Variants in NOC3L observed in about 807,000 individuals in gnomAD.
NOC3L encodes NOC3 like DNA replication regulator.
A neutral mutation model predicts 102.5 loss-of-function variants in NOC3L; 85 were observed. The ratio of observed to expected loss-of-function variants is 0.83; its 90% CI spans 0.70 to 0.99. The LOEUF is 0.99. Ranked by LOEUF, NOC3L falls within the 50% of genes least tolerant of loss-of-function variation. The pLI is 0.00. For missense variants in NOC3L, 878 were observed against 914.9 expected (o/e 0.96, Z 0.52); for synonymous variants, 303 against 309.4 (o/e 0.98, Z 0.22).
chr10:94,324,698 G>T, the NOC3L span: 1 of 991,322 alleles, frequency 1.0e-6, no homozygotes. Flanking sequence ...GGAGAAAATT[G>T]TTTGGCTTTG....
intron 11 of NOC3L, among the ~76,000 whole-genome samples, chr10:94,345,832 G>C (rs1476680650): frequency 3.3e-5 from 5 of 152,088 alleles, no homozygotes; most frequent in Non-Finnish European, 7.4e-5. Context: ...GAGATGTGAT[G>C]ATAACAATAA....
At chr10:94,343,099 AGGT>A (rs1017905728) in intron 13 of NOC3L, among the ~76,000 whole-genome samples, 25 of 151,726 alleles carry the variant, frequency 1.6e-4, no homozygotes, top group African/African-American at 6.0e-4. Context: ...AAAAAAAAAA[AGGT>A]GGCAGATGGC....
chr10:94,362,035 A>G (rs2054557480), intron 1 of NOC3L, 163 bp from the exon 2 acceptor site: 3 of 685,278 alleles, frequency 4.4e-6, no homozygotes, highest in Admixed American at 4.2e-5. Flanking sequence ...CTTTAATCCT[A>G]CAGAAGAGCG....
Position 94,346,516 on chromosome 10 carries a change from T to G in NOC3L, c.1298A>C (p.Glu433Ala). ...AATGTCTTCTGTATCTTTTTTCACT[T>G]CTACTTCCTTGATTCTTAGGCATAA... Reference protein sequence around the residue: ...TFLCLRIKEVEVKKDTEDINK... With the variant: ...TFLCLRIKEVAVKKDTEDINK... The change falls in exon 11 of 21, where the codon GAA becomes GCA. Residue 433 changes from glutamate (E) to alanine (A), a missense_variant. Physicochemically the swap from Glu to Ala is moderately radical, Grantham distance 107. Coordinates refer to ENST00000371361, the MANE Select transcript of NOC3L (RefSeq NM_022451.11). 1.4e-6 allele frequency: 2 copies of G among 1,451,786 alleles called. No homozygotes were observed. Among genetic ancestry groups the G allele is most frequent in the Non-Finnish European group, 1.9e-6 (2 of 1,080,074 alleles). 89.9% of individuals were successfully genotyped at this position (1,451,786 alleles called of 1,614,324 possible).
At chr10:94,329,346 T>C (rs1024092602), downstream of NOC3L, 7 of 152,248 alleles carry the variant, frequency 4.6e-5, no homozygotes, top group African/African-American at 1.7e-4. Context: ...ATTGGTATCT[T>C]TGAATTTTAA....
downstream of NOC3L, chr10:94,331,602 C>A (rs1343449211): frequency 1.3e-5 from 2 of 152,128 alleles, no homozygotes; most frequent in African/African-American, 4.8e-5. Context: ...TTTTCAGTTG[C>A]TTATATATCA....
In NOC3L at chr10:94,356,524, A is replaced by T. The variant is rs764609690; in HGVS notation, c.565+11T>A. On this transcript the variant is annotated intron_variant, in intron 5 of 20. Transcript: ENST00000371361. ...TCAATTAACAATTTAGTAACTGTAA[A>T]GACATATTACCTTCCTCAAGTTCCC... 2 of 1,531,134 alleles carry T rather than the reference A, an allele frequency of 1.3e-6. No individual in the cohort carries two copies. Among genetic ancestry groups the T allele is most frequent in the Admixed American group, 3.4e-5 (2 of 59,238 alleles). The allele number at this position is 1,531,134 out of a possible 1,614,324, so 94.8% of individuals were successfully genotyped here.
the NOC3L span, among the ~76,000 whole-genome samples, chr10:94,319,211 T>A: frequency 6.6e-6 from 1 of 152,232 alleles, no homozygotes; most frequent in African/African-American, 2.4e-5. Flanking sequence ...GTCCTTTATA[T>A]GCCTTTGTTA....
At chr10:94,347,182 C>T (rs2054354452) in intron 10 of NOC3L, among the ~76,000 whole-genome samples, 1 of 152,108 alleles carries the variant, frequency 6.6e-6, no homozygotes, top group African/African-American at 2.4e-5. Context: ...CAGCAGCATT[C>T]CTGGAAAAAA....
At chr10:94,360,131 C>T (rs186370340) in intron 2 of NOC3L, among the ~76,000 whole-genome samples, 1 of 152,256 alleles carries the variant, frequency 6.6e-6, no homozygotes, top group African/African-American at 2.4e-5. Context: ...TCCCAGCCAA[C>T]ATGGTGAAAC....
chr10:94,317,071 C>T, the NOC3L span, among the ~76,000 whole-genome samples: 2 of 151,776 alleles, frequency 1.3e-5, no homozygotes, highest in South Asian at 2.1e-4. Flanking sequence ...GCCAACATGG[C>T]GAAACCCCAT....
chr10:94,340,135 A>G lies in NOC3L; in HGVS notation c.1780+141T>C, dbSNP rs1050593564. On this transcript the variant is annotated intron_variant, in intron 16 of 20. Transcript: ENST00000371361. ...AAGCTCTTTCTCCAAGTCTTACATA[A>G]GATTAAATACAGATGCATGGCACTG... The G allele has an allele frequency of 1.5e-5, 12 of 793,438 alleles. 1 individual carries two copies. The East Asian group carries it at 3.2e-4, about 21-fold the overall frequency. 49.1% of individuals were successfully genotyped at this position (793,438 alleles called of 1,614,324 possible).
At chr10:94,351,312 A>C (rs1192942348) in intron 8 of NOC3L, among the ~76,000 whole-genome samples, 1 of 151,188 alleles carries the variant, frequency 6.6e-6, no homozygotes, top group Admixed American at 6.6e-5. Context: ...TCCAGCTGAC[A>C]GCAATGGGTG....
Position 94,355,168 on chromosome 10 carries a change from C to T in NOC3L, c.566-75G>A, listed in dbSNP as rs961520343. 2.1e-5 allele frequency: 27 copies of T among 1,291,278 alleles called. No individual in the cohort carries two copies. The African/African-American group carries it at 3.3e-4, about 16-fold the overall frequency. 80.0% of individuals were successfully genotyped at this position (1,291,278 alleles called of 1,614,324 possible). A position where few individuals can be genotyped will look rare whatever the true frequency, so the allele number is the denominator to read the frequency against. Reference sequence around the variant, plus strand: ...CAAGAATCTTAATAAAATATTTTTACAGTAATAATAATAATGACAACAGCT... The same window carrying T: ...CAAGAATCTTAATAAAATATTTTTATAGTAATAATAATAATGACAACAGCT... On this transcript the variant is annotated intron_variant, in intron 5 of 20. Coordinates refer to ENST00000371361, the MANE Select transcript of NOC3L (RefSeq NM_022451.11).
In NOC3L at chr10:94,353,958, TAGA is replaced by T. The variant is rs2054452563; in HGVS notation, c.697-904_697-902del. On this transcript the variant is annotated intron_variant, in intron 6 of 20. Transcript: ENST00000371361. ...TTGTCTGTGAGCACAGGTTCCTGAG[TAGA>T]AGATCTGGGTTCCAATCCAGTGGCT... Among the ~76,000 whole-genome samples the T allele has an allele frequency of 2.6e-5, 4 of 152,206 alleles. No homozygotes were observed. The South Asian group carries it at 8.3e-4, about 32-fold the overall frequency.
intron 5 of NOC3L, among the ~76,000 whole-genome samples, chr10:94,356,310 T>C (rs1286534659): frequency 1.3e-5 from 2 of 152,208 alleles, no homozygotes; most frequent in Non-Finnish European, 2.9e-5. Flanking sequence ...TATGCCTAGA[T>C]ATTACAAATA....
intron 5 of NOC3L, among the ~76,000 whole-genome samples, chr10:94,355,676 A>G (rs989547712): frequency 1.3e-5 from 2 of 152,208 alleles, no homozygotes; most frequent in Non-Finnish European, 2.9e-5. Context: ...GGCATGAGCC[A>G]GTGCAACCAG....
In NOC3L at chr10:94,344,422, G is replaced by C; in HGVS notation, c.1564C>G (p.Leu522Val). Residue 522 changes from leucine (L) to valine (V), a missense_variant, in exon 13 of 21, where the codon CTT (leucine) becomes GTT (valine). Transcript: ENST00000371361. ...SPLLPAVLEG[L>V]AKFAHLINVE... ...AACCTACACAGCCCTTACTTGGCAAGACCTTCTAGAACTGCTGGCAGGAGA... is the reference window on the plus strand; with the variant it reads ...AACCTACACAGCCCTTACTTGGCAACACCTTCTAGAACTGCTGGCAGGAGA... 6.2e-7 allele frequency: 1 copy of C among 1,610,412 alleles called. No homozygotes were observed. The highest frequency in any genetic ancestry group is 8.5e-7 in the Non-Finnish European group (1 of 1,177,146).
At chr10:94,339,701 A>G (rs774546885) in intron 17 of NOC3L, 38 bp downstream of exon 17, 13 of 1,518,728 alleles carry the variant, frequency 8.6e-6, no homozygotes, top group African/African-American at 1.4e-5. Flanking sequence ...TCATTGCATT[A>G]TAAGAACTTA....
Sources: allele counts gnomAD v4.1 joint callset (sites outside exome capture counted in the v4.1 genomes callset), GRCh38; gene constraint gnomAD v4.1.1; transcripts MANE v1.5; gene names NCBI Gene and HGNC (gene_info 2026-07-23, HGNC 2026-07-21).